NUP188: variants seen among roughly 807,000 people sequenced by gnomAD.
NUP188 encodes the protein nucleoporin 188, also known as nucleoporin NUP188.
A neutral mutation model predicts 223.0 loss-of-function variants in NUP188; 97 were observed. That is an observed-to-expected ratio of 0.43 (90% CI 0.37 to 0.51). The LOEUF is 0.51. NUP188 is among the 20% of genes least tolerant of loss of function. NUP188 has a pLI of 0.00. For synonymous variants in NUP188, 869 were observed against 828.0 expected, an observed-to-expected ratio of 1.05 and a Z score of -0.85; for missense variants, 1,947 against 2,175.6, an observed-to-expected ratio of 0.89 and a Z score of 2.09.
rs1233089948 is a variant in NUP188 at position 128,956,966 on chromosome 9, A to T, written c.261A>T (p.Glu87Asp). 1.9e-6 allele frequency: 3 copies of T among 1,612,032 alleles called. No homozygotes were observed. The highest frequency in any genetic ancestry group is 2.5e-6 in the Non-Finnish European group (3 of 1,178,992). Reference protein sequence around the residue: ...RISKFLGLDEEQSVQLLQCYL... With the variant: ...RISKFLGLDEDQSVQLLQCYL... ...CTGTGTTTCAGGGTCTTGATGAAGAACAGAGTGTGCAGTTACTCCAGTGTT... is the reference window on the plus strand; with the variant it reads ...CTGTGTTTCAGGGTCTTGATGAAGATCAGAGTGTGCAGTTACTCCAGTGTT... Residue 87 changes from glutamate (E) to aspartate (D), a missense_variant, in exon 5 of 44, where the codon GAA becomes GAT. This residue lies in a region of NUP188 where 817 missense variants were observed against 865.8 expected (regional missense o/e 0.94). Coordinates refer to ENST00000372577, the MANE Select transcript of NUP188 (RefSeq NM_015354.3).
intron 2 of NUP188, 51 bp from the exon 3 acceptor site, chr9:128,952,722 C>T (rs1382417646): frequency 7.6e-7 from 1 of 1,321,046 alleles, no homozygotes; most frequent in Non-Finnish European, 1.0e-6. Context: ...GACTCTGTCT[C>T]AAAAAAAAAA....
Position 128,969,714 on chromosome 9 carries a change from C to T in NUP188, c.912+200C>T, listed in dbSNP as rs576549243. 3.3e-5 allele frequency among the ~76,000 whole-genome samples: 5 copies of T among 152,230 alleles called. No individual in the cohort carries two copies. The East Asian group carries it at 5.8e-4, about 18-fold the overall frequency. On this transcript the variant is annotated intron_variant, in intron 10 of 43. Transcript: ENST00000372577. ...CTGTCACCATGCTGGAATGCAGTGGCGTGGTCTTGGCTCACTGCAACTTCC... is the reference window on the plus strand; with the variant it reads ...CTGTCACCATGCTGGAATGCAGTGGTGTGGTCTTGGCTCACTGCAACTTCC...
chr9:128,965,365 T>C (rs1363605901), intron 8 of NUP188, among the ~76,000 whole-genome samples: 1 of 152,182 alleles, frequency 6.6e-6, no homozygotes, highest in Admixed American at 6.5e-5. Flanking sequence ...TTCATATTAT[T>C]TTCTTATGCT....
chr9:128,958,218 T>A (rs1841898422), intron 6 of NUP188, among the ~76,000 whole-genome samples, 164 bp downstream of exon 6: 4 of 152,238 alleles, frequency 2.6e-5, no homozygotes, highest in Admixed American at 2.6e-4. Context: ...TTTTATCCAC[T>A]GGACCCAGTA....
At chr9:128,999,371 C>A in intron 33 of NUP188, 54 bp downstream of exon 33, 1 of 1,594,690 alleles carries the variant, frequency 6.3e-7, no homozygotes, top group East Asian at 2.2e-5. Flanking sequence ...CTCCTGCTGA[C>A]AGCCAGGCAG....
At chr9:128,957,710 C>T (rs1327071134) in intron 5 of NUP188, among the ~76,000 whole-genome samples, 6 of 152,050 alleles carry the variant, frequency 3.9e-5, no homozygotes, top group African/African-American at 1.2e-4. Context: ...GTGATCCCCC[C>T]GCCTCAGCCT....
At chr9:128,964,870 C>T (rs1001949261) in intron 8 of NUP188, among the ~76,000 whole-genome samples, 4 of 151,940 alleles carry the variant, frequency 2.6e-5, no homozygotes, top group Non-Finnish European at 5.9e-5. Context: ...CCACGCCTTC[C>T]TAATTTGTGT....
At chr9:128,980,503 AG>A in intron 13 of NUP188, 102 bp from the exon 14 acceptor site, 1 of 1,204,764 alleles carries the variant, frequency 8.3e-7, no homozygotes, top group South Asian at 1.5e-5. Flanking sequence ...TCTGTCTAAA[AG>A]GAAGGATTAA....
At chr9:129,002,766 G>C in intron 36 of NUP188, 51 bp from the exon 37 acceptor site, 1 of 1,580,460 alleles carries the variant, frequency 6.3e-7, no homozygotes, top group Non-Finnish European at 8.6e-7. Context: ...ACTACAAGGA[G>C]GTCCTGCCTC....
chr9:128,950,896 G>C (rs1198027011), intron 2 of NUP188, among the ~76,000 whole-genome samples: 1 of 152,162 alleles, frequency 6.6e-6, no homozygotes, highest in Non-Finnish European at 1.5e-5. Context: ...ACCTAGCCTA[G>C]CTGCTGAAGT....
rs558512688 is a variant in NUP188 at position 128,998,338 on chromosome 9, G to C, written c.3429+110G>C. The C allele has an allele frequency of 1.6e-5, 18 of 1,116,042 alleles. No homozygotes were observed. The East Asian group carries it at 4.2e-4, about 26-fold the overall frequency. The allele number at this position is 1,116,042 out of a possible 1,614,324, so 69.1% of individuals were successfully genotyped here. ...GCCGCACAAATAGTCAGGTCACAGG[G>C]CTCACGTTGGCCTGGGAGGCCTGAG... On this transcript the variant is annotated intron_variant, in intron 31 of 43. Coordinates refer to ENST00000372577, the MANE Select transcript of NUP188 (RefSeq NM_015354.3).
At chr9:128,962,185 T>C (rs1841964610) in intron 8 of NUP188, among the ~76,000 whole-genome samples, 3 of 151,734 alleles carry the variant, frequency 2.0e-5, no homozygotes, top group Non-Finnish European at 4.4e-5. Flanking sequence ...TCTGCCTACC[T>C]CAACCCATCA....
chr9:128,951,703 G>C (rs1386355289), intron 2 of NUP188, among the ~76,000 whole-genome samples: 2 of 151,740 alleles, frequency 1.3e-5, no homozygotes, highest in African/African-American at 4.8e-5. Flanking sequence ...ACAGAATTCT[G>C]TATTCAAAAT....
chr9:129,005,585 G>C (rs1217624763), intron 40 of NUP188, 55 bp downstream of exon 40: 1 of 1,611,068 alleles, frequency 6.2e-7, no homozygotes, highest in Non-Finnish European at 8.5e-7. Context: ...GCTCTGCTGT[G>C]TACCGAGAGC....
rs752713354 is a variant in NUP188 at position 128,958,066 on chromosome 9, T to A, written c.372+12T>A. ...CCTTAATCCTGAAGGTCAGTAGTAG[T>A]CACCATTTCTATTCTTTGATGTAAA... On this transcript the variant is annotated intron_variant, in intron 6 of 43. Coordinates refer to ENST00000372577, the MANE Select transcript of NUP188 (RefSeq NM_015354.3). The A allele has an allele frequency of 1.2e-6, 2 of 1,605,500 alleles. No homozygotes were observed. Among genetic ancestry groups the A allele is most frequent in the Admixed American group, 3.3e-5 (2 of 59,838 alleles).
Position 128,968,691 on chromosome 9 carries a change from T to C in NUP188, c.771T>C (p.Thr257=), listed in dbSNP as rs770276956. Residue 257 remains threonine (T), a synonymous_variant, in exon 9 of 44, where the codon ACT becomes ACC. Coordinates refer to ENST00000372577, the MANE Select transcript of NUP188 (RefSeq NM_015354.3). ...CCAATAGGCACCTGGTGGATGAGACTATGGATCCTTTTGTAGATCGGATTG... is the reference window on the plus strand; with the variant it reads ...CCAATAGGCACCTGGTGGATGAGACCATGGATCCTTTTGTAGATCGGATTG... The part of the protein sequence containing the change: ...RQTNRHLVDE[T]MDPFVDRIGY... 8.1e-6 allele frequency: 13 copies of C among 1,613,908 alleles called. No individual in the cohort carries two copies. The highest frequency in any genetic ancestry group is 9.3e-6 in the Non-Finnish European group (11 of 1,179,890).
intron 22 of NUP188, among the ~76,000 whole-genome samples, chr9:128,987,088 A>AGAGAGTGTGT (rs1450678206): frequency 1.5e-3 from 167 of 113,322 alleles, no homozygotes; most frequent in South Asian, 0.01. Flanking sequence ...AGAGAGAGAG[A>AGAGAGTGTGT]GTGTGTGTGT....
intron 11 of NUP188, among the ~76,000 whole-genome samples, chr9:128,971,612 G>T (rs548136253): frequency 6.6e-6 from 1 of 151,964 alleles, no homozygotes; most frequent in African/African-American, 2.4e-5. Context: ...TAGAGACGGG[G>T]TTTTACCATC....
At chr9:128,990,910 T>C (rs1281883930) in intron 25 of NUP188, among the ~76,000 whole-genome samples, 1 of 152,080 alleles carries the variant, frequency 6.6e-6, no homozygotes, top group Admixed American at 6.6e-5. Context: ...TCCCAGCTAC[T>C]TGGGAGCCTG....
Sources: allele counts gnomAD v4.1 joint callset (sites outside exome capture counted in the v4.1 genomes callset), GRCh38; gene constraint gnomAD v4.1.1; regional missense constraint gnomAD v4.1.1; transcripts MANE v1.5; gene names NCBI Gene and HGNC (gene_info 2026-07-23, HGNC 2026-07-21).